DNAH10: variants seen among roughly 807,000 people sequenced by gnomAD.
The protein encoded by DNAH10 is axonemal beta dynein heavy chain 10.
DNAH10 carries 348 observed loss-of-function variants against 506.6 expected under a neutral mutation model. The ratio of observed to expected loss-of-function variants is 0.69; its 90% CI spans 0.63 to 0.75. The LOEUF is 0.75. Among genes scored for constraint, DNAH10 ranks in the 30% least tolerant of loss-of-function variants. The pLI, the probability that DNAH10 is intolerant of heterozygous loss-of-function variation, is 0.00. For synonymous variants in DNAH10, 2,059 were observed against 2,198.6 expected (o/e 0.94, Z 1.78); for missense variants, 5,179 against 5,787.1 (o/e 0.89, Z 3.41).
chr12:123,880,151 G>A (rs1161836708), intron 50 of DNAH10, among the ~76,000 whole-genome samples: 1 of 152,108 alleles, frequency 6.6e-6, no homozygotes. Context: ...TTGGGTCGCT[G>A]CTGGCCAATC....
intron 51 of DNAH10, among the ~76,000 whole-genome samples, chr12:123,886,471 G>A (rs1035164695): frequency 7.6e-6 from 1 of 131,718 alleles, no homozygotes; most frequent in Non-Finnish European, 1.7e-5. Flanking sequence ...GTTGCGTTGC[G>A]CGCGCGCGCG....
Position 123,870,413 on chromosome 12 carries a change from C to G in DNAH10, c.7567C>G (p.Gln2523Glu). The G allele has an allele frequency of 6.2e-7, 1 of 1,613,958 alleles. No individual in the cohort carries two copies. The highest frequency in any genetic ancestry group is 8.5e-7 in the Non-Finnish European group (1 of 1,179,872). The change falls in exon 44 of 79, where the codon CAA becomes GAA. Residue 2523 changes from glutamine to glutamate, a missense_variant. Transcript: ENST00000673944. ...YDFHFDNKRNQWVPWSKLVPE... is the reference protein window; with the variant it reads ...YDFHFDNKRNEWVPWSKLVPE... ...CTTTCATTTTGATAACAAACGGAAT[C>G]AATGGGTCCCATGGAGTAAATTAGT...
chr12:123,785,860 A>G lies in DNAH10; in HGVS notation c.1345A>G (p.Ile449Val). 1 of 1,614,192 alleles carries G rather than the reference A, an allele frequency of 6.2e-7. No homozygotes were observed. The highest frequency in any genetic ancestry group is 8.5e-7 in the Non-Finnish European group (1 of 1,180,022). The part of the protein sequence containing the change: ...SRHYNKDERM[I>V]PLMERIAWEI... Reference sequence around the variant, plus strand: ...ACACTACAACAAAGACGAGAGGATGATTCCGCTCATGGAGCGCATCGCCTG... The same window carrying G: ...ACACTACAACAAAGACGAGAGGATGGTTCCGCTCATGGAGCGCATCGCCTG... The change falls in exon 9 of 79, where the codon ATT (isoleucine) becomes GTT (valine). Residue 449 changes from isoleucine to valine, a missense_variant. Ile to Val is a conservative substitution (Grantham distance 29). Transcript: ENST00000673944. This position sits in a 1 kb window ranked among gnomAD's most constrained non-coding sequence, Gnocchi z 4.1.
chr12:123,898,128 A>G (rs1239461244), intron 55 of DNAH10, among the ~76,000 whole-genome samples, 161 bp downstream of exon 55: 1 of 152,260 alleles, frequency 6.6e-6, no homozygotes, highest in Non-Finnish European at 1.5e-5. Context: ...TCATGTGGGC[A>G]GGACCCTGGC....
rs1417821131 is a variant in DNAH10, at chr12:123,840,564, C to T, written c.5137-758C>T. Among the ~76,000 whole-genome samples the T allele has an allele frequency of 2.0e-5, 3 of 152,036 alleles. 1 individual carries two copies. Among genetic ancestry groups the T allele is most frequent in the African/African-American group, 7.2e-5 (3 of 41,380 alleles). On this transcript the variant is annotated intron_variant, in intron 29 of 78. Transcript: ENST00000673944. ...GGATTACAGGCATGAGCTATTGTGC[C>T]TGGCCTTCTGCTTCCACTTTGTAAA...
chr12:123,786,660 C>G lies in DNAH10; in HGVS notation c.1421+724C>G, dbSNP rs1957864149. On this transcript the variant is annotated intron_variant, in intron 9 of 78. Transcript: ENST00000673944. ...CATTGTATGGAGATATATTTTGTTT[C>G]AGATACATATATGTGTGTGTGCACA... Among the ~76,000 whole-genome samples the G allele has an allele frequency of 0.014, 8 of 580 alleles. No homozygotes were observed. The South Asian group carries it at 0.25, about 18-fold the overall frequency. 0.4% of individuals were successfully genotyped at this position (580 alleles called of 152,430 possible).
At chr12:123,835,642 A>G (rs892632076) in intron 28 of DNAH10, 114 bp downstream of exon 28, 7 of 1,432,268 alleles carry the variant, frequency 4.9e-6, no homozygotes, top group South Asian at 1.4e-5. Flanking sequence ...CTCATTTTTT[A>G]GAGACAGGGT....
Position 123,853,406 on chromosome 12 carries a change from T to C in DNAH10, c.6438+54T>C. The C allele has an allele frequency of 6.4e-7, 1 of 1,572,656 alleles. No individual in the cohort carries two copies. The highest frequency in any genetic ancestry group is 1.3e-5 in the African/African-American group (1 of 74,074). Reference sequence around the variant, plus strand: ...GGTTTCAGCTGCTTCAGGCATTTACTACGTGCCATTGGGGAGGTGATGGGC... The same window carrying C: ...GGTTTCAGCTGCTTCAGGCATTTACCACGTGCCATTGGGGAGGTGATGGGC... On this transcript the variant is annotated intron_variant, in intron 36 of 78. Coordinates refer to ENST00000673944, the MANE Select transcript of DNAH10 (RefSeq NM_001372106.1). The surrounding 1 kb of genome is among the most constrained non-coding windows in gnomAD (Gnocchi z 4.7).
chr12:123,832,412 A>G (rs1276164891), intron 26 of DNAH10, among the ~76,000 whole-genome samples: 1 of 152,260 alleles, frequency 6.6e-6, no homozygotes, highest in Non-Finnish European at 1.5e-5. Context: ...ACACATGTAT[A>G]CATATACACA....
In DNAH10 at chr12:123,774,222, A is replaced by C; in HGVS notation, c.579A>C (p.Ile193=). The stretch of plus-strand genomic sequence containing the variant: ...CAGAAACACTGGAGTATGGAATTAT[A>C]AACGCTAATGTGCTCCATTTTCTGA... ...IMPETLEYGI[I]NANVLHFLKN... The change falls in exon 5 of 79, where the codon ATA becomes ATC. Residue 193 remains isoleucine, a synonymous_variant. Transcript: ENST00000673944. 1 of 1,610,868 alleles carries C rather than the reference A, an allele frequency of 6.2e-7. No individual in the cohort carries two copies. Among genetic ancestry groups the C allele is most frequent in the Non-Finnish European group, 8.5e-7 (1 of 1,179,068 alleles).
Position 123,929,397 on chromosome 12 carries a change from G to T in DNAH10, c.12429G>T (p.Ala4143=), listed in dbSNP as rs74937677. Reference sequence around the variant, plus strand: ...TCAAGCCGCTGGTCTACGTGCTGGCGTTCTTTCATGCTGTGGTGCAGGAGA... The same window carrying T: ...TCAAGCCGCTGGTCTACGTGCTGGCTTTCTTTCATGCTGTGGTGCAGGAGA... The part of the protein sequence containing the change: ...PAFKPLVYVL[A]FFHAVVQERR... The change falls in exon 71 of 79, where the codon GCG becomes GCT. Residue 4143 remains alanine (A), a synonymous_variant. Coordinates refer to ENST00000673944, the MANE Select transcript of DNAH10 (RefSeq NM_001372106.1). 1 of 1,613,586 alleles carries T rather than the reference G, an allele frequency of 6.2e-7. No individual in the cohort carries two copies. Among genetic ancestry groups the T allele is most frequent in the South Asian group, 1.1e-5 (1 of 90,882 alleles).
Position 123,925,168 on chromosome 12 carries a change from C to T in DNAH10, c.11885C>T (p.Ala3962Val), listed in dbSNP as rs1338096251. 1.2e-6 allele frequency: 2 copies of T among 1,613,790 alleles called. No individual in the cohort carries two copies. The highest frequency in any genetic ancestry group is 2.2e-5 in the South Asian group (2 of 91,076). ...RCFRVDRVYR[A>V]VTDYVTVTMG... The stretch of plus-strand genomic sequence containing the variant: ...TTCCGTGTGGATCGGGTCTATCGGG[C>T]CGTGACTGACTATGTGACTGTAACA... Residue 3962 changes from alanine to valine, a missense_variant, in exon 68 of 79, where the codon GCC (alanine) becomes GTC (valine). Ala to Val is a moderately conservative substitution (Grantham distance 64). Coordinates refer to ENST00000673944, the MANE Select transcript of DNAH10 (RefSeq NM_001372106.1). This position sits in a 1 kb window ranked among gnomAD's most constrained non-coding sequence, Gnocchi z 4.0.
chr12:123,873,665 G>A lies in DNAH10; in HGVS notation c.7893G>A (p.Met2631Ile), dbSNP rs781616771. The change falls in exon 46 of 79, where the codon ATG becomes ATA. Residue 2631 changes from methionine (M) to isoleucine (I), a missense_variant. Met to Ile is a conservative substitution (Grantham distance 10). Transcript: ENST00000673944. ...KRTKDTYGPP[M>I]GKRLLVFMDD... ...CCAAAGATACTTACGGCCCACCCAT[G>A]GGAAAACGCCTGCTGGTGTTCATGG... 2 of 1,613,168 alleles carry A rather than the reference G, an allele frequency of 1.2e-6. No individual in the cohort carries two copies. The highest frequency in any genetic ancestry group is 8.5e-7 in the Non-Finnish European group (1 of 1,179,546).
chr12:123,868,820 A>G (rs1951913201), intron 43 of DNAH10, among the ~76,000 whole-genome samples: 1 of 152,234 alleles, frequency 6.6e-6, no homozygotes, highest in African/African-American at 2.4e-5. Flanking sequence ...ATGGACAGTC[A>G]TGGAGCAAAT....
chr12:123,819,760 A>G (rs1277988835), intron 23 of DNAH10, among the ~76,000 whole-genome samples: 2 of 135,898 alleles, frequency 1.5e-5, no homozygotes, highest in Non-Finnish European at 3.0e-5. Flanking sequence ...ACTGGAGTGC[A>G]GTGGCACAAT....
intron 39 of DNAH10, among the ~76,000 whole-genome samples, chr12:123,862,485 G>A (rs1000558047): frequency 1.3e-5 from 2 of 152,016 alleles, no homozygotes; most frequent in African/African-American, 2.4e-5. Flanking sequence ...AAACTCCTGG[G>A]CTCAAGCAAT....
Position 123,785,969 on chromosome 12 carries a change from G to A in DNAH10, c.1421+33G>A, listed in dbSNP as rs752826864. ...GCCATGGCGTTCATTTTTTTGTTTT[G>A]TTTTGTTTCACTTTTTACTTTTTAG... On this transcript the variant is annotated intron_variant, in intron 9 of 78. Coordinates refer to ENST00000673944, the MANE Select transcript of DNAH10 (RefSeq NM_001372106.1). This position sits in a 1 kb window ranked among gnomAD's most constrained non-coding sequence, Gnocchi z 4.1. The A allele has an allele frequency of 5.7e-6, 9 of 1,590,294 alleles. No homozygotes were observed. The highest frequency in any genetic ancestry group is 4.5e-5 in the East Asian group (2 of 44,388).
At chr12:123,765,484 A>G (rs1400963095) in intron 1 of DNAH10, among the ~76,000 whole-genome samples, 1 of 152,102 alleles carries the variant, frequency 6.6e-6, no homozygotes, top group Non-Finnish European at 1.5e-5. Context: ...TCTTTTGTCA[A>G]ATTATCAGTC....
intron 1 of DNAH10, among the ~76,000 whole-genome samples, chr12:123,766,370 A>G (rs1000379818): frequency 1.3e-5 from 2 of 152,130 alleles, no homozygotes; most frequent in African/African-American, 4.8e-5. Flanking sequence ...ATTTCTCTCT[A>G]TAATGATAAT....
Sources: allele counts gnomAD v4.1 joint callset (sites outside exome capture counted in the v4.1 genomes callset), GRCh38; gene constraint gnomAD v4.1.1; non-coding constraint Gnocchi (gnomAD v3.1); transcripts MANE v1.5; gene names NCBI Gene and HGNC (gene_info 2026-07-23, HGNC 2026-07-21).